Variants in LRMDA observed in about 807,000 individuals in gnomAD.
LRMDA encodes leucine rich melanocyte differentiation associated, also known as leucine-rich melanocyte differentiation-associated protein.
In LRMDA, 18 loss-of-function variants were observed where a neutral mutation model predicts 29.8. The observed-to-expected ratio is 0.60, with a 90% CI of 0.42 to 0.90. The LOEUF is 0.90. Among genes scored for constraint, LRMDA ranks in the 40% least tolerant of loss-of-function variants. The probability of loss-of-function intolerance (pLI) is 0.00; values close to 1 mark genes in which losing one functional copy is unlikely to be tolerated. For missense variants in LRMDA, 273 were observed against 273.9 expected (o/e 1.00, Z 0.02); for synonymous variants, 125 against 109.4 (o/e 1.14, Z -0.89).
intron 2 of LRMDA, among the ~76,000 whole-genome samples, chr10:75,902,981 C>T (rs1025607061): frequency 6.6e-6 from 1 of 152,196 alleles, no homozygotes; most frequent in Non-Finnish European, 1.5e-5. Flanking sequence ...CAGGGGGCAT[C>T]AGTCCCACAG....
At chr10:76,168,157 GTCTC>G in intron 5 of LRMDA, among the ~76,000 whole-genome samples, 1 of 152,294 alleles carries the variant, frequency 6.6e-6, no homozygotes, top group African/African-American at 2.4e-5. Flanking sequence ...GGGCAAATCT[GTCTC>G]TCTCCTCTTC....
intron 2 of LRMDA, among the ~76,000 whole-genome samples, chr10:75,460,968 A>G (rs1031476885): frequency 3.3e-5 from 5 of 152,228 alleles, no homozygotes; most frequent in African/African-American, 1.2e-4. Context: ...GAGTGAAATT[A>G]CTGAATTAAA....
chr10:76,157,454 T>G (rs1341062101), intron 5 of LRMDA, among the ~76,000 whole-genome samples: 1 of 151,924 alleles, frequency 6.6e-6, no homozygotes, highest in Non-Finnish European at 1.5e-5. Context: ...CCAAAAAAGT[T>G]TTTTAAAAAA....
intron 2 of LRMDA, among the ~76,000 whole-genome samples, chr10:75,616,240 T>TAGCAGCAGCAGCAGC (rs773644340): frequency 5.4e-5 from 8 of 146,798 alleles, no homozygotes; most frequent in African/African-American, 2.2e-4. Context: ...ATAGTAGCAG[T>TAGCAGCAGCAGCAGC]AGCAGCAGTA....
chr10:76,265,480 G>T (rs1487273184), intron 5 of LRMDA, among the ~76,000 whole-genome samples: 2 of 152,156 alleles, frequency 1.3e-5, no homozygotes, highest in Admixed American at 6.5e-5. Context: ...TGTCCTGGGA[G>T]GACACAGGGA....
chr10:75,765,580 G>A (rs1442197562), intron 2 of LRMDA, among the ~76,000 whole-genome samples: 2 of 150,926 alleles, frequency 1.3e-5, no homozygotes, highest in African/African-American at 5.0e-5. Flanking sequence ...CCTCTGTGGT[G>A]TGCTCCATTT....
chr10:76,478,735 A>G (rs1480914852), intron 6 of LRMDA, among the ~76,000 whole-genome samples: 3 of 152,130 alleles, frequency 2.0e-5, no homozygotes, highest in Non-Finnish European at 4.4e-5. Context: ...TGATGAGTTC[A>G]TGTCCTTTGT....
intron 6 of LRMDA, among the ~76,000 whole-genome samples, chr10:76,489,893 G>A (rs1210149495): frequency 6.6e-6 from 1 of 151,850 alleles, no homozygotes; most frequent in African/African-American, 2.4e-5. Flanking sequence ...GCCCTGTGAA[G>A]AGGTGCCTTC....
chr10:76,454,310 A>T (rs1842435509), intron 6 of LRMDA, among the ~76,000 whole-genome samples: 2 of 152,122 alleles, frequency 1.3e-5, no homozygotes, highest in Non-Finnish European at 1.5e-5. Context: ...GAATTGAACT[A>T]AAAAGAGTCA....
intron 5 of LRMDA, among the ~76,000 whole-genome samples, chr10:76,281,606 A>G (rs1479209133): frequency 6.6e-6 from 1 of 152,136 alleles, no homozygotes; most frequent in Non-Finnish European, 1.5e-5. Flanking sequence ...CTTCAGTTCA[A>G]AGAGACATGG....
chr10:75,579,823 CAT>C (rs1421220683), intron 2 of LRMDA, among the ~76,000 whole-genome samples: 4 of 152,222 alleles, frequency 2.6e-5, no homozygotes, highest in East Asian at 1.9e-4. Context: ...ACAAAAATCA[CAT>C]GTTTATCTTA....
At chr10:76,514,577 C>G (rs1268544161) in intron 6 of LRMDA, among the ~76,000 whole-genome samples, 1 of 152,078 alleles carries the variant, frequency 6.6e-6, no homozygotes, top group African/African-American at 2.4e-5. Flanking sequence ...TTTTATTGTG[C>G]TTAGGGAGTA....
At chr10:75,981,744 G>C (rs554748343) in intron 2 of LRMDA, among the ~76,000 whole-genome samples, 14 of 151,676 alleles carry the variant, frequency 9.2e-5, no homozygotes, top group Non-Finnish European at 1.9e-4. Flanking sequence ...CCCAGGTACT[G>C]AGGAGGCTGA....
chr10:75,855,618 T>G (rs1395953895), intron 2 of LRMDA, among the ~76,000 whole-genome samples: 1 of 152,238 alleles, frequency 6.6e-6, no homozygotes, highest in Non-Finnish European at 1.5e-5. Flanking sequence ...CTTTTGGTGT[T>G]TTAGACATGA....
chr10:76,272,134 G>C (rs1025412839), intron 5 of LRMDA, among the ~76,000 whole-genome samples: 4 of 152,180 alleles, frequency 2.6e-5, no homozygotes. Context: ...CTTCATTAAA[G>C]GTAAAGGTCT....
At chr10:75,693,225 G>A (rs1435724439) in intron 2 of LRMDA, among the ~76,000 whole-genome samples, 2 of 152,168 alleles carry the variant, frequency 1.3e-5, no homozygotes, top group East Asian at 1.9e-4. Flanking sequence ...GGGGGGAATC[G>A]GGAGTGAGGG....
intron 2 of LRMDA, among the ~76,000 whole-genome samples, chr10:75,938,626 T>G (rs904158198): frequency 6.6e-6 from 1 of 152,188 alleles, no homozygotes; most frequent in African/African-American, 2.4e-5. Context: ...TGTGTTATCT[T>G]TGTCTATAGC....
At chr10:76,016,210 T>C (rs1847876246) in intron 2 of LRMDA, among the ~76,000 whole-genome samples, 1 of 152,196 alleles carries the variant, frequency 6.6e-6, no homozygotes, top group East Asian at 1.9e-4. Context: ...TTGACTTTTT[T>C]CCTTTGATGA....
intron 5 of LRMDA, among the ~76,000 whole-genome samples, chr10:76,079,846 T>A (rs976733396): frequency 6.6e-6 from 1 of 152,172 alleles, no homozygotes; most frequent in African/African-American, 2.4e-5. Flanking sequence ...GGAAGAGACC[T>A]GCCTTCATCT....
Sources: gnomAD v4.1 joint callset for allele counts (sites outside exome capture counted in the v4.1 genomes callset) on GRCh38, gnomAD v4.1.1 for gene constraint, MANE v1.5 for transcripts, NCBI Gene and HGNC (gene_info 2026-07-23, HGNC 2026-07-21) for gene names.